CD48: variants seen among roughly 807,000 people sequenced by gnomAD.
CD48 encodes CD48 antigen.
In CD48, 20 loss-of-function variants were observed where a neutral mutation model predicts 22.0. That is an observed-to-expected ratio of 0.91 (90% CI 0.64 to 1.32). CD48 has a LOEUF of 1.32. Among genes scored for constraint, CD48 ranks in the 40% most tolerant of loss-of-function variants. The pLI is 0.00. For missense variants in CD48, 307 were observed against 286.5 expected (o/e 1.07, Z -0.52); for synonymous variants, 110 against 110.1 (o/e 1.00, Z 0.01).
Position 160,705,335 on chromosome 1 carries a change from C to T in CD48, c.82+6347G>A, listed in dbSNP as rs180865671. ...AATCCCTCTGACAGAATAAGTTCAA[C>T]CCTCATACATGTATCCCACTAACCC... On this transcript the variant is annotated intron_variant, in intron 1 of 3. Coordinates refer to ENST00000368046, the MANE Select transcript of CD48 (RefSeq NM_001778.4). Among the ~76,000 whole-genome samples the T allele has an allele frequency of 4.1e-3, 627 of 152,282 alleles. 1 individual carries two copies. The highest frequency in any genetic ancestry group is 6.8e-3 in the Middle Eastern group (2 of 294).
chr1:160,683,934 C>T (rs1661900059), intron 2 of CD48: 1 of 152,146 alleles, frequency 6.6e-6, no homozygotes, highest in African/African-American at 2.4e-5. Context: ...GCCCTATAAT[C>T]TGATCCTTTC....
At chr1:160,681,815 G>A (rs1661816116) in intron 2 of CD48, among the ~76,000 whole-genome samples, 1 of 152,200 alleles carries the variant, frequency 6.6e-6, no homozygotes, top group African/African-American at 2.4e-5. Flanking sequence ...AACTGCCTGA[G>A]ATGCTCAGGG....
intron 2 of CD48, among the ~76,000 whole-genome samples, chr1:160,682,471 AAAG>A (rs1158912513): frequency 2.4e-4 from 36 of 150,408 alleles, no homozygotes; most frequent in Non-Finnish European, 4.6e-4. Context: ...AAAAAAAAAA[AAAG>A]AAGAAAGAAA....
chr1:160,700,771 A>C (rs1571068712), intron 1 of CD48, among the ~76,000 whole-genome samples: 1 of 152,172 alleles, frequency 6.6e-6, no homozygotes, highest in Non-Finnish European at 1.5e-5. Context: ...GAAGTCATCT[A>C]AAGTTTTTAA....
chr1:160,687,937 C>T (rs923762911), intron 1 of CD48, among the ~76,000 whole-genome samples: 3 of 152,188 alleles, frequency 2.0e-5, no homozygotes, highest in Non-Finnish European at 2.9e-5. Context: ...ATCTTCTCTA[C>T]CTAGAAGGTG....
At chr1:160,698,128 T>C (rs1401605391) in intron 1 of CD48, among the ~76,000 whole-genome samples, 1 of 152,162 alleles carries the variant, frequency 6.6e-6, no homozygotes, top group Non-Finnish European at 1.5e-5. Context: ...TAACGGTTCC[T>C]TTACAAAGTT....
rs370589828 is a variant in CD48, at chr1:160,694,301, G to A, written c.83-9112C>T. Among the ~76,000 whole-genome samples the A allele has an allele frequency of 3.9e-5, 6 of 152,210 alleles. No individual in the cohort carries two copies. In the East Asian group the frequency reaches 7.7e-4, roughly 20 times the overall value. On this transcript the variant is annotated intron_variant, in intron 1 of 3. Coordinates refer to ENST00000368046, the MANE Select transcript of CD48 (RefSeq NM_001778.4). The stretch of plus-strand genomic sequence containing the variant: ...AAAGGCTGCATATTGGGCAAGTCAG[G>A]TCTCAGAGAACAGACCTGTGTGTAA...
intron 1 of CD48, among the ~76,000 whole-genome samples, chr1:160,691,447 A>T (rs1243537883): frequency 6.6e-6 from 1 of 152,234 alleles, no homozygotes; most frequent in Non-Finnish European, 1.5e-5. Context: ...ATCTAAAAGC[A>T]CAGCATTTAA....
intron 1 of CD48, among the ~76,000 whole-genome samples, chr1:160,694,352 G>A (rs149069314): frequency 4.4e-4 from 67 of 152,268 alleles, no homozygotes; most frequent in Middle Eastern, 3.4e-3. Context: ...AAAACAGCTT[G>A]AAGGATTGGT....
chr1:160,679,038 TAAA>T lies in CD48; in HGVS notation c.*11_*13del, dbSNP rs779368695. ...TCTGGCCTTGAAGTTTCGCTTGAGTTAAAAGAGCTCATCTCAGGTAAGTAACAG... is the reference window on the plus strand; with the variant it reads ...TCTGGCCTTGAAGTTTCGCTTGAGTTAGAGCTCATCTCAGGTAAGTAACAG... On this transcript the variant is annotated 3_prime_UTR_variant, in exon 4 of 4. Transcript: ENST00000368046. The T allele has an allele frequency of 1.9e-6, 3 of 1,608,496 alleles. No individual in the cohort carries two copies. In the East Asian group the frequency reaches 6.7e-5, roughly 36 times the overall value.
intron 1 of CD48, among the ~76,000 whole-genome samples, chr1:160,709,028 G>T (rs1662873327): frequency 6.6e-6 from 1 of 152,324 alleles, no homozygotes; most frequent in South Asian, 2.1e-4. Context: ...GCCACACCAT[G>T]ATCTGATTGC....
At chr1:160,680,830 C>T in intron 3 of CD48, 3 of 1,282,332 alleles carry the variant, frequency 2.3e-6, no homozygotes, top group South Asian at 2.1e-5. Flanking sequence ...TGAAGCCCCT[C>T]TAGACAGCTG....
In CD48 at chr1:160,680,710, C is replaced by T. The variant is rs1365251263; in HGVS notation, c.652+492G>A. 3.9e-6 allele frequency: 4 copies of T among 1,021,202 alleles called. No homozygotes were observed. The East Asian group carries it at 2.7e-4, about 68-fold the overall frequency. The allele number at this position is 1,021,202 out of a possible 1,614,324, so 63.3% of individuals were successfully genotyped here. A position where few individuals can be genotyped will look rare whatever the true frequency, so the allele number is the denominator to read the frequency against. On this transcript the variant is annotated intron_variant, in intron 3 of 3. Transcript: ENST00000368046. ...TCGCCTGAGGCTCAGGCTCTCACGC[C>T]TCCTCGACGGCCTCTCTCAGGCCCG...
intron 1 of CD48, among the ~76,000 whole-genome samples, chr1:160,698,612 C>A (rs1487754397): frequency 6.6e-6 from 1 of 152,050 alleles, no homozygotes. Flanking sequence ...GGGAGACAGG[C>A]TCATGACCTT....
intron 1 of CD48, among the ~76,000 whole-genome samples, chr1:160,701,163 T>A (rs1662616714): frequency 1.1e-5 from 1 of 87,950 alleles, no homozygotes; most frequent in Non-Finnish European, 2.5e-5. Flanking sequence ...ATCTGATTTA[T>A]GTAAAGCAAT....
intron 1 of CD48, chr1:160,699,580 A>G (rs994587822): frequency 6.6e-6 from 1 of 152,270 alleles, no homozygotes; most frequent in Non-Finnish European, 1.5e-5. Flanking sequence ...ATGTCTCAGT[A>G]TAAAACCCGA....
intron 1 of CD48, among the ~76,000 whole-genome samples, chr1:160,686,844 C>T (rs1296431115): frequency 3.3e-5 from 5 of 151,872 alleles, no homozygotes; most frequent in South Asian, 2.1e-4. Context: ...GGAGGCAGGG[C>T]GAGATCACAG....
chr1:160,679,720 G>C (rs140431138), intron 3 of CD48, among the ~76,000 whole-genome samples: 3 of 151,994 alleles, frequency 2.0e-5, no homozygotes, highest in Admixed American at 2.0e-4. Context: ...GGATAATTTC[G>C]GTGACTAAAA....
At chr1:160,687,502 A>T (rs1449211562) in intron 1 of CD48, among the ~76,000 whole-genome samples, 1 of 152,246 alleles carries the variant, frequency 6.6e-6, no homozygotes, top group African/African-American at 2.4e-5. Flanking sequence ...AAAGACAGGC[A>T]TAAGAAATTA....
Sources: gnomAD v4.1 joint callset for allele counts (sites outside exome capture counted in the v4.1 genomes callset) on GRCh38, gnomAD v4.1.1 for gene constraint, MANE v1.5 for transcripts, NCBI Gene and HGNC (gene_info 2026-07-23, HGNC 2026-07-21) for gene names.